SUCLA2: variants seen among roughly 807,000 people sequenced by gnomAD.
SUCLA2 encodes the protein succinate-CoA ligase ADP-forming subunit beta, also known as succinate--CoA ligase [ADP-forming] subunit beta, mitochondrial.
A neutral mutation model predicts 54.8 loss-of-function variants in SUCLA2; 30 were observed. That is an observed-to-expected ratio of 0.55 (90% CI 0.41 to 0.74). The LOEUF (loss-of-function observed/expected upper bound fraction) is 0.74. Ranked by LOEUF, SUCLA2 falls within the 30% of genes least tolerant of loss-of-function variation. The probability of loss-of-function intolerance (pLI) is 0.00; values close to 1 mark genes in which losing one functional copy is unlikely to be tolerated. For missense variants in SUCLA2, 476 were observed against 562.9 expected (o/e 0.85, Z 1.56); for synonymous variants, 172 against 188.9 (o/e 0.91, Z 0.74).
chr13:47,959,512 AGGAGGAGGAG>A (rs1949850568), intron 6 of SUCLA2, among the ~76,000 whole-genome samples: 1 of 125,326 alleles, frequency 8.0e-6, no homozygotes, highest in African/African-American at 3.1e-5. Context: ...GGGGAGGAGG[AGGAGGAGGAG>A]GAGGAGGAGG....
intron 10 of SUCLA2, 52 bp from the exon 11 acceptor site, chr13:47,943,497 G>C: frequency 6.4e-7 from 1 of 1,559,388 alleles, no homozygotes; most frequent in Non-Finnish European, 8.8e-7. Context: ...CAGAACTACA[G>C]GTCAGTGCAA....
At chr13:47,965,494 TAAAAA>T (rs35331016) in intron 6 of SUCLA2, 4,561 of 311,168 alleles carry the variant, frequency 0.015, 222 homozygotes, top group African/African-American at 0.11. Flanking sequence ...ACCCCTTCTT[TAAAAA>T]AAAAAAAACA....
At chr13:48,000,844 G>A (rs1429295149) in intron 1 of SUCLA2, 3 of 1,150,262 alleles carry the variant, frequency 2.6e-6, no homozygotes, top group Non-Finnish European at 3.2e-6. Context: ...TCAGCCCACC[G>A]TGCCAGACGC....
intron 4 of SUCLA2, among the ~76,000 whole-genome samples, chr13:47,976,679 G>C (rs1950016400): frequency 6.6e-6 from 1 of 152,114 alleles, no homozygotes; most frequent in Non-Finnish European, 1.5e-5. Flanking sequence ...AACAGGTTGA[G>C]TACTCCTCAT....
intron 10 of SUCLA2, among the ~76,000 whole-genome samples, chr13:47,947,267 C>T (rs897054170): frequency 5.7e-5 from 8 of 139,800 alleles, no homozygotes; most frequent in Admixed American, 1.5e-4. Flanking sequence ...TATGCACACA[C>T]GCACAATACA....
At chr13:47,988,112 TAAA>T (rs796167254) in intron 4 of SUCLA2, 7 of 155,976 alleles carry the variant, frequency 4.5e-5, no homozygotes, top group Non-Finnish European at 8.0e-5. Context: ...CCGAAACTAT[TAAA>T]AAAAAAAAAA....
intron 4 of SUCLA2, among the ~76,000 whole-genome samples, chr13:47,978,624 G>T (rs7998786): frequency 0.94 from 142,489 of 152,284 alleles, 66,691 homozygotes; most frequent in East Asian, 1. Flanking sequence ...TCATGATGAC[G>T]AAAACACCAA....
chr13:47,988,826 G>A (rs1320512257), intron 3 of SUCLA2, 56 bp downstream of exon 3: 1 of 1,594,910 alleles, frequency 6.3e-7, no homozygotes, highest in Non-Finnish European at 8.6e-7. Flanking sequence ...AATTCAATAA[G>A]TAATCTTTAA....
At chr13:47,994,768 G>A in intron 2 of SUCLA2, 2 of 929,608 alleles carry the variant, frequency 2.2e-6, no homozygotes, top group Non-Finnish European at 2.6e-6. Context: ...CAAGGTATCT[G>A]TTCCAAGGGG....
chr13:47,971,702 A>G (rs1338808389), intron 5 of SUCLA2: 1 of 390,092 alleles, frequency 2.6e-6, no homozygotes, highest in Non-Finnish European at 4.5e-6. Flanking sequence ...AAAATCATTC[A>G]TAAACCACAG....
intron 4 of SUCLA2, among the ~76,000 whole-genome samples, chr13:47,986,620 G>A (rs1052210512): frequency 1.3e-5 from 2 of 152,040 alleles, no homozygotes; most frequent in Non-Finnish European, 1.5e-5. Context: ...CTTTGCCCGC[G>A]CCTATGTCCT....
intron 5 of SUCLA2, 132 bp from the exon 6 acceptor site, chr13:47,968,865 A>G: frequency 9.6e-7 from 1 of 1,042,164 alleles, no homozygotes; most frequent in South Asian, 1.6e-5. Flanking sequence ...TTACTGAAAT[A>G]GCAGCTACCA....
At chr13:47,946,522 T>C (rs553038915) in intron 10 of SUCLA2, among the ~76,000 whole-genome samples, 2 of 151,496 alleles carry the variant, frequency 1.3e-5, no homozygotes, top group South Asian at 4.2e-4. Flanking sequence ...GATAATACCT[T>C]GTTCTATACT....
chr13:47,982,144 A>G (rs1215099599), intron 4 of SUCLA2, among the ~76,000 whole-genome samples: 1 of 152,252 alleles, frequency 6.6e-6, no homozygotes, highest in African/African-American at 2.4e-5. Context: ...AAATATTTGA[A>G]CATCTATGTT....
chr13:47,989,311 C>T (rs1465804684), intron 2 of SUCLA2, among the ~76,000 whole-genome samples: 3 of 151,432 alleles, frequency 2.0e-5, no homozygotes, highest in Non-Finnish European at 4.4e-5. Flanking sequence ...CCCAGGTTCA[C>T]GCCATTCTCC....
intron 4 of SUCLA2, among the ~76,000 whole-genome samples, chr13:47,984,595 G>A (rs909651317): frequency 5.9e-5 from 9 of 151,944 alleles, no homozygotes; most frequent in African/African-American, 2.2e-4. Context: ...AGGCTTAAAT[G>A]AGAAAGCAGC....
intron 1 of SUCLA2, among the ~76,000 whole-genome samples, chr13:47,998,296 TAAAAAAAAAAAA>T (rs58573331): frequency 1.5e-5 from 2 of 136,188 alleles, no homozygotes; most frequent in African/African-American, 2.8e-5. Flanking sequence ...ATAAATAAGT[TAAAAAAAAAAAA>T]AAAAAGAAAA....
intron 4 of SUCLA2, among the ~76,000 whole-genome samples, chr13:47,987,092 T>C (rs960436425): frequency 3.9e-5 from 6 of 152,214 alleles, no homozygotes; most frequent in Non-Finnish European, 7.3e-5. Flanking sequence ...CCACGTATTA[T>C]TAGTAAGCAA....
At chr13:47,998,517 G>A (rs1246119371) in intron 1 of SUCLA2, among the ~76,000 whole-genome samples, 1 of 152,064 alleles carries the variant, frequency 6.6e-6, no homozygotes, top group Non-Finnish European at 1.5e-5. Context: ...ATCAACAGGA[G>A]AATGGATAAA....
Sources: gnomAD v4.1 joint callset for allele counts (sites outside exome capture counted in the v4.1 genomes callset) on GRCh38, gnomAD v4.1.1 for gene constraint, MANE v1.5 for transcripts, NCBI Gene and HGNC (gene_info 2026-07-23, HGNC 2026-07-21) for gene names.